The following EVC2 variants were observed in gnomAD, a reference collection of about 807,000 sequenced individuals.
The protein encoded by EVC2 is limbin.
Under a neutral mutation model 149.3 loss-of-function variants are expected in EVC2, and 148 were observed. The ratio of observed to expected loss-of-function variants is 0.99; its 90% CI spans 0.87 to 1.14. The LOEUF (loss-of-function observed/expected upper bound fraction) is 1.14, where lower values mean the gene tolerates loss of function less well. Among genes scored for constraint, EVC2 ranks in the 50% most tolerant of loss-of-function variants. The pLI, the probability that EVC2 is intolerant of heterozygous loss-of-function variation, is 0.00. For synonymous variants in EVC2, 776 were observed against 649.9 expected, an observed-to-expected ratio of 1.19 and a Z score of -2.95; for missense variants, 1,854 against 1,627.3, an observed-to-expected ratio of 1.14 and a Z score of -2.40.
At chr4:5,620,030 G>A (rs765282402) in intron 14 of EVC2, among the ~76,000 whole-genome samples, 1 of 152,200 alleles carries the variant, frequency 6.6e-6, no homozygotes, top group Non-Finnish European at 1.5e-5. Flanking sequence ...GGATCTGCTA[G>A]AAAGGTCTTT....
intron 16 of EVC2, among the ~76,000 whole-genome samples, chr4:5,611,689 AAG>A (rs1243218156): frequency 2.0e-5 from 3 of 152,208 alleles, no homozygotes; most frequent in Admixed American, 6.5e-5. Flanking sequence ...GGCAAAAACA[AAG>A]AGAAAAAAAC....
At chr4:5,565,404 A>C in intron 20 of EVC2, 45 bp from the exon 21 acceptor site, 3 of 1,576,014 alleles carry the variant, frequency 1.9e-6, no homozygotes, top group Non-Finnish European at 2.6e-6. Context: ...ATACGCCTGT[A>C]ATCCCACTGT....
intron 9 of EVC2, among the ~76,000 whole-genome samples, chr4:5,641,738 T>G (rs554925484): frequency 6.6e-6 from 1 of 152,242 alleles, no homozygotes; most frequent in Non-Finnish European, 1.5e-5. Context: ...GAATCCACCA[T>G]TCAATCAGAA....
chr4:5,569,304 G>A lies in EVC2; in HGVS notation c.3361-664C>T, dbSNP rs73074105. On this transcript the variant is annotated intron_variant, in intron 19 of 21. Transcript: ENST00000344408. This position sits in a 1 kb window ranked among gnomAD's most constrained non-coding sequence, Gnocchi z 4.8. Reference sequence around the variant, plus strand: ...GGCCTTTGTGGTGGTTGACAGCTCTGTGTCTTGATGGTGCTGCTGGTTACA... The same window carrying A: ...GGCCTTTGTGGTGGTTGACAGCTCTATGTCTTGATGGTGCTGCTGGTTACA... Among the ~76,000 whole-genome samples the A allele has an allele frequency of 1.9e-3, 284 of 152,314 alleles. No individual in the cohort carries two copies. The highest frequency in any genetic ancestry group is 6.1e-3 in the African/African-American group (254 of 41,568).
chr4:5,535,075 A>T, the EVC2 span, among the ~76,000 whole-genome samples: 1 of 152,078 alleles, frequency 6.6e-6, no homozygotes, highest in East Asian at 1.9e-4. The surrounding 1 kb of genome is among the most constrained non-coding windows in gnomAD (Gnocchi z 4.7). Context: ...GACATTAAAG[A>T]CCCGCCACCC....
intron 5 of EVC2, among the ~76,000 whole-genome samples, chr4:5,687,417 G>A (rs922364195): frequency 1.3e-5 from 2 of 152,142 alleles, no homozygotes; most frequent in East Asian, 1.9e-4. Context: ...ATGCCCAGAG[G>A]AGAGATGGAG....
At chr4:5,662,388 C>T (rs898209971) in intron 9 of EVC2, among the ~76,000 whole-genome samples, 2 of 147,568 alleles carry the variant, frequency 1.4e-5, no homozygotes, top group Non-Finnish European at 3.0e-5. Flanking sequence ...TATCCCTAAA[C>T]TTAAAAGTTA....
In EVC2 at chr4:5,689,386, GTC is replaced by G. The variant is rs769856137; in HGVS notation, c.520-45_520-44del. 1.3e-5 allele frequency: 21 copies of G among 1,608,314 alleles called. No homozygotes were observed. The Admixed American group carries it at 3.5e-4, about 27-fold the overall frequency. On this transcript the variant is annotated intron_variant, in intron 4 of 21. Coordinates refer to ENST00000344408, the MANE Select transcript of EVC2 (RefSeq NM_147127.5). Reference sequence around the variant, plus strand: ...GGCATGAGGGCAGATTTGCTGACAAGTCCAGCTTCCTAAAATGGGGCATGAGC... The same window carrying G: ...GGCATGAGGGCAGATTTGCTGACAAGCAGCTTCCTAAAATGGGGCATGAGC...
downstream of EVC2, among the ~76,000 whole-genome samples, chr4:5,559,963 C>G (rs563241108): frequency 2.6e-5 from 4 of 151,996 alleles, no homozygotes; most frequent in East Asian, 5.8e-4. The surrounding 1 kb of genome is among the most constrained non-coding windows in gnomAD (Gnocchi z 5.0). Flanking sequence ...GAGTCGTAAG[C>G]ACAAAGCTGT....
At chr4:5,545,284 T>C (rs1219145173) in intron 21 of EVC2, among the ~76,000 whole-genome samples, 1 of 152,136 alleles carries the variant, frequency 6.6e-6, no homozygotes, top group Non-Finnish European at 1.5e-5. Flanking sequence ...AAAGAATAAA[T>C]AGATAATGAT....
At chr4:5,701,805 C>G (rs1013107613) in intron 1 of EVC2, among the ~76,000 whole-genome samples, 15 of 152,198 alleles carry the variant, frequency 9.9e-5, no homozygotes, top group Non-Finnish European at 1.8e-4. Flanking sequence ...TGGCTCAGGC[C>G]AAAATCCTTG....
At chr4:5,592,091 T>C (rs1319247023) in intron 16 of EVC2, among the ~76,000 whole-genome samples, 5 of 152,158 alleles carry the variant, frequency 3.3e-5, no homozygotes, top group Non-Finnish European at 7.4e-5. Flanking sequence ...CAAATACAAC[T>C]AGATGCAAGG....
chr4:5,622,890 C>T lies in EVC2; in HGVS notation c.2148G>A (p.Glu716=), dbSNP rs1192920112. 3.7e-6 allele frequency: 6 copies of T among 1,614,078 alleles called. No individual in the cohort carries two copies. Among genetic ancestry groups the T allele is most frequent in the Non-Finnish European group, 5.1e-6 (6 of 1,180,050 alleles). ...YLHQKRSLME[E]HGATLEELQE... ...GCAGCTCCTCCAGGGTGGCACCGTG[C>T]TCCTCCATCAGGCTCCTCTTCTGGT... Residue 716 remains glutamate (E), a synonymous_variant, in exon 14 of 22, where the codon GAG becomes GAA. Transcript: ENST00000344408. This position sits in a 1 kb window ranked among gnomAD's most constrained non-coding sequence, Gnocchi z 5.8.
At chr4:5,588,244 A>G (rs1712473768) in intron 16 of EVC2, among the ~76,000 whole-genome samples, 1 of 152,202 alleles carries the variant, frequency 6.6e-6, no homozygotes, top group Non-Finnish European at 1.5e-5. Flanking sequence ...ATTTGAAATG[A>G]GAAATCGGCT....
intron 9 of EVC2, among the ~76,000 whole-genome samples, chr4:5,655,960 G>C (rs1015145326): frequency 2.6e-5 from 4 of 152,184 alleles, no homozygotes; most frequent in African/African-American, 4.8e-5. Context: ...TATTTCATGA[G>C]CATCTGCCAT....
chr4:5,632,036 G>T lies in EVC2; in HGVS notation c.1471-4C>A. 5 of 1,613,884 alleles carry T rather than the reference G, an allele frequency of 3.1e-6. No individual in the cohort carries two copies. The highest frequency in any genetic ancestry group is 4.2e-6 in the Non-Finnish European group (5 of 1,179,914). On this transcript the variant is annotated splice_region_variant and splice_polypyrimidine_tract_variant and intron_variant, in intron 10 of 21. Coordinates refer to ENST00000344408, the MANE Select transcript of EVC2 (RefSeq NM_147127.5). Reference sequence around the variant, plus strand: ...GGTTGCTGCACTCTACAGCAGACTGGAGAGAGGAAAGGGAGAGCGTGAGAA... The same window carrying T: ...GGTTGCTGCACTCTACAGCAGACTGTAGAGAGGAAAGGGAGAGCGTGAGAA...
chr4:5,568,995 T>C (rs1722485050), intron 19 of EVC2, among the ~76,000 whole-genome samples: 1 of 152,176 alleles, frequency 6.6e-6, no homozygotes. Context: ...AGGCGAGCAG[T>C]GCAGGCTCTG....
chr4:5,530,491 A>C, the EVC2 span, among the ~76,000 whole-genome samples: 6 of 151,924 alleles, frequency 3.9e-5, no homozygotes, highest in Non-Finnish European at 7.4e-5. Context: ...CAGTCAAACA[A>C]ACTAACATAT....
At chr4:5,596,936 C>A (rs1713476375) in intron 16 of EVC2, among the ~76,000 whole-genome samples, 3 of 152,170 alleles carry the variant, frequency 2.0e-5, no homozygotes, top group East Asian at 1.9e-4. Flanking sequence ...ACTACAAACA[C>A]CTCTACGCAA....
Sources: allele counts gnomAD v4.1 joint callset (sites outside exome capture counted in the v4.1 genomes callset), GRCh38; gene constraint gnomAD v4.1.1; non-coding constraint Gnocchi (gnomAD v3.1); transcripts MANE v1.5; gene names NCBI Gene and HGNC (gene_info 2026-07-23, HGNC 2026-07-21).